The following PEBP4 variants were observed in gnomAD, a reference collection of about 807,000 sequenced individuals.
PEBP4 encodes the protein phosphatidylethanolamine-binding protein 4.
PEBP4 carries 22 observed loss-of-function variants against 23.9 expected under a neutral mutation model. The observed-to-expected ratio is 0.92, with a 90% CI of 0.66 to 1.31. PEBP4 has a LOEUF of 1.31. Ranked by LOEUF, PEBP4 falls within the 40% of genes most tolerant of loss-of-function variation. The pLI is 0.00. For missense variants in PEBP4, 324 were observed against 281.7 expected, an observed-to-expected ratio of 1.15 and a Z score of -1.07; for synonymous variants, 112 against 99.3, an observed-to-expected ratio of 1.13 and a Z score of -0.76.
chr8:22,744,078 C>T (rs1244870401), intron 4 of PEBP4, among the ~76,000 whole-genome samples: 2 of 152,210 alleles, frequency 1.3e-5, no homozygotes, highest in Non-Finnish European at 2.9e-5. Context: ...GGATCAGCTC[C>T]CTGAGAGACT....
At chr8:22,840,685 T>C (rs889093482) in intron 3 of PEBP4, among the ~76,000 whole-genome samples, 2 of 152,200 alleles carry the variant, frequency 1.3e-5, no homozygotes, top group African/African-American at 4.8e-5. Flanking sequence ...AAAATGTGAA[T>C]CAGTTGCTTG....
At chr8:22,930,456 G>A (rs772087598), upstream of PEBP4, among the ~76,000 whole-genome samples, 4 of 151,956 alleles carry the variant, frequency 2.6e-5, no homozygotes, top group Admixed American at 1.3e-4. Flanking sequence ...TAAGCTTCTC[G>A]GAGGCAGCAC....
chr8:22,928,658 G>A (rs182408673), upstream of PEBP4, among the ~76,000 whole-genome samples: 544 of 152,198 alleles, frequency 3.6e-3, 3 homozygotes, highest in South Asian at 0.014. Flanking sequence ...CAATAGCTCT[G>A]CTCTCTGCTT....
intron 1 of PEBP4, among the ~76,000 whole-genome samples, chr8:22,940,047 C>T (rs550414462): frequency 1.3e-5 from 2 of 152,338 alleles, no homozygotes; most frequent in South Asian, 2.1e-4. Flanking sequence ...TCATGTCACC[C>T]TTGAAAGGTT....
intron 3 of PEBP4, among the ~76,000 whole-genome samples, chr8:22,913,378 G>A (rs1026276627): frequency 6.6e-6 from 1 of 151,974 alleles, no homozygotes; most frequent in Non-Finnish European, 1.5e-5. Flanking sequence ...CCTCCTCTGT[G>A]CACCTTTACT....
chr8:22,900,759 T>A (rs941537348), intron 3 of PEBP4, among the ~76,000 whole-genome samples: 19 of 152,134 alleles, frequency 1.2e-4, no homozygotes, highest in African/African-American at 4.3e-4. Flanking sequence ...GATCTGTCTA[T>A]CCTATGCTGA....
chr8:22,915,736 G>A (rs568124721), intron 3 of PEBP4, among the ~76,000 whole-genome samples: 33 of 152,326 alleles, frequency 2.2e-4, no homozygotes, highest in Non-Finnish European at 3.4e-4. Flanking sequence ...ACTGGAAGAC[G>A]TCTCTGCTCC....
At chr8:22,909,251 C>G (rs1808883765) in intron 3 of PEBP4, among the ~76,000 whole-genome samples, 1 of 152,174 alleles carries the variant, frequency 6.6e-6, no homozygotes, top group South Asian at 2.1e-4. Flanking sequence ...GGAGCCACAC[C>G]TAAGACGTGG....
At chr8:22,829,538 C>T (rs1807038203) in intron 3 of PEBP4, among the ~76,000 whole-genome samples, 1 of 152,154 alleles carries the variant, frequency 6.6e-6, no homozygotes, top group South Asian at 2.1e-4. Flanking sequence ...GCTTGCAACT[C>T]CCCAGTGCAT....
intron 3 of PEBP4, among the ~76,000 whole-genome samples, chr8:22,846,646 C>T (rs1457531838): frequency 6.6e-6 from 1 of 152,100 alleles, no homozygotes; most frequent in African/African-American, 2.4e-5. Flanking sequence ...TGTCACTGAT[C>T]CCCAAAGCAT....
intron 4 of PEBP4, among the ~76,000 whole-genome samples, chr8:22,760,019 G>GACT (rs1805475150): frequency 6.6e-6 from 1 of 152,196 alleles, no homozygotes; most frequent in Non-Finnish European, 1.5e-5. Flanking sequence ...AGCCTTCCAA[G>GACT]ACTACCTAGG....
chr8:22,846,938 G>A (rs114289493), intron 3 of PEBP4, among the ~76,000 whole-genome samples: 1,720 of 152,154 alleles, frequency 0.011, 29 homozygotes, highest in African/African-American at 0.039. Context: ...CAGGTGGGAG[G>A]ATCACTTGAG....
At chr8:22,807,449 G>A (rs1244387649) in intron 4 of PEBP4, among the ~76,000 whole-genome samples, 1 of 152,048 alleles carries the variant, frequency 6.6e-6, no homozygotes, top group African/African-American at 2.4e-5. Context: ...TTAGATTTTA[G>A]AAAAATCATC....
chr8:22,778,711 T>C (rs1476254498), intron 4 of PEBP4, among the ~76,000 whole-genome samples: 1 of 152,148 alleles, frequency 6.6e-6, no homozygotes, highest in African/African-American at 2.4e-5. Flanking sequence ...CAAAGCCTCC[T>C]GGGAGAAGGT....
intron 4 of PEBP4, among the ~76,000 whole-genome samples, chr8:22,761,495 C>A (rs1263318926): frequency 6.6e-6 from 1 of 152,202 alleles, no homozygotes; most frequent in Non-Finnish European, 1.5e-5. Flanking sequence ...GTCGGAGCCC[C>A]TTCTGCTCAC....
chr8:22,805,531 G>A (rs962599235), intron 4 of PEBP4, among the ~76,000 whole-genome samples: 1 of 152,136 alleles, frequency 6.6e-6, no homozygotes, highest in Non-Finnish European at 1.5e-5. Context: ...TCTCCATGTT[G>A]GTCAGGCTGT....
chr8:22,716,468 G>A (rs955731882), intron 6 of PEBP4, among the ~76,000 whole-genome samples: 2 of 152,206 alleles, frequency 1.3e-5, no homozygotes, highest in Non-Finnish European at 2.9e-5. Flanking sequence ...CTCTAGGGGG[G>A]AAAGATGTCC....
At chr8:22,812,086 T>C (rs1246341118) in intron 4 of PEBP4, among the ~76,000 whole-genome samples, 3 of 152,220 alleles carry the variant, frequency 2.0e-5, no homozygotes, top group Non-Finnish European at 4.4e-5. Flanking sequence ...TCTTTGCATA[T>C]GTAATTTCCT....
chr8:22,845,930 G>GGGCA (rs1191505693), intron 3 of PEBP4, among the ~76,000 whole-genome samples: 3 of 152,224 alleles, frequency 2.0e-5, no homozygotes, highest in African/African-American at 7.2e-5. Flanking sequence ...GGCCCTGGAT[G>GGGCA]GGCAACCTTC....
Sources: gnomAD v4.1 joint callset for allele counts (sites outside exome capture counted in the v4.1 genomes callset) on GRCh38, gnomAD v4.1.1 for gene constraint, MANE v1.5 for transcripts, NCBI Gene and HGNC (gene_info 2026-07-23, HGNC 2026-07-21) for gene names.